LRRTM4: variants seen among roughly 807,000 people sequenced by gnomAD.
LRRTM4 encodes leucine rich repeat transmembrane neuronal 4.
LRRTM4 carries 25 observed loss-of-function variants against 47.6 expected under a neutral mutation model. The ratio of observed to expected loss-of-function variants is 0.53; its 90% CI spans 0.38 to 0.73. The LOEUF (loss-of-function observed/expected upper bound fraction) is 0.73, where lower values mean the gene tolerates loss of function less well. Ranked by LOEUF, LRRTM4 falls within the 30% of genes least tolerant of loss-of-function variation. LRRTM4 has a pLI of 0.00. For missense variants in LRRTM4, 638 were observed against 713.4 expected, an observed-to-expected ratio of 0.89 and a Z score of 1.20; for synonymous variants, 311 against 269.5, an observed-to-expected ratio of 1.15 and a Z score of -1.51.
intron 3 of LRRTM4, among the ~76,000 whole-genome samples, chr2:76,880,622 T>C (rs768006832): frequency 1.3e-5 from 2 of 151,922 alleles, no homozygotes; most frequent in African/African-American, 2.4e-5. Flanking sequence ...TGCAAAACAG[T>C]ATTGGAAGAA....
At chr2:77,055,347 A>T (rs934737518) in intron 3 of LRRTM4, among the ~76,000 whole-genome samples, 2 of 152,228 alleles carry the variant, frequency 1.3e-5, no homozygotes, top group Non-Finnish European at 2.9e-5. Context: ...GGGCACACGT[A>T]CATCTCTTCT....
chr2:77,428,994 A>G (rs1675240430), intron 3 of LRRTM4, among the ~76,000 whole-genome samples: 1 of 152,224 alleles, frequency 6.6e-6, no homozygotes, highest in Non-Finnish European at 1.5e-5. Flanking sequence ...ACTGGGTAGG[A>G]AAGTTTAACA....
chr2:77,447,116 A>G (rs978053302), intron 3 of LRRTM4, among the ~76,000 whole-genome samples: 2 of 152,086 alleles, frequency 1.3e-5, no homozygotes, highest in Admixed American at 6.6e-5. Context: ...ACATATGTAC[A>G]TATATGTGGA....
chr2:77,392,852 G>A (rs1294583969), intron 3 of LRRTM4, among the ~76,000 whole-genome samples: 1 of 151,968 alleles, frequency 6.6e-6, no homozygotes, highest in Non-Finnish European at 1.5e-5. Context: ...ATTGAAAACT[G>A]CTAAGATAGT....
chr2:76,886,053 CACA>C (rs1368664915), intron 3 of LRRTM4, among the ~76,000 whole-genome samples: 26 of 152,088 alleles, frequency 1.7e-4, no homozygotes, highest in African/African-American at 4.8e-4. Context: ...AACATTTTAT[CACA>C]ACAAGTGTTA....
At chr2:76,863,322 C>T (rs2104017464) in intron 3 of LRRTM4, among the ~76,000 whole-genome samples, 1 of 152,242 alleles carries the variant, frequency 6.6e-6, no homozygotes, top group South Asian at 2.1e-4. Context: ...GAAAGTATTT[C>T]CTCACTTTTT....
chr2:76,935,516 T>G (rs2103846245), intron 3 of LRRTM4, among the ~76,000 whole-genome samples: 1 of 152,312 alleles, frequency 6.6e-6, no homozygotes, highest in East Asian at 1.9e-4. Flanking sequence ...TTGTGTCCTC[T>G]TTTATTTCCT....
intron 3 of LRRTM4, among the ~76,000 whole-genome samples, chr2:76,999,190 A>G (rs527630237): frequency 6.6e-6 from 1 of 152,068 alleles, no homozygotes; most frequent in Admixed American, 6.6e-5. Flanking sequence ...GCCACACATT[A>G]ACATTAACCC....
chr2:76,847,045 G>T (rs1257465557), intron 3 of LRRTM4, among the ~76,000 whole-genome samples: 1 of 152,156 alleles, frequency 6.6e-6, no homozygotes. Flanking sequence ...GTATTTATTA[G>T]ACCAGTGCTC....
intron 3 of LRRTM4, among the ~76,000 whole-genome samples, chr2:77,108,322 C>T (rs1433958911): frequency 6.6e-6 from 1 of 151,518 alleles, no homozygotes; most frequent in South Asian, 2.1e-4. Context: ...AGAAGGAGAA[C>T]GAGAACAAGA....
intron 3 of LRRTM4, among the ~76,000 whole-genome samples, chr2:77,341,989 GT>G (rs1166656412): frequency 6.6e-6 from 1 of 151,932 alleles, no homozygotes; most frequent in African/African-American, 2.4e-5. Context: ...TTCAATGTCA[GT>G]TAGTGGGTGT....
Position 77,303,632 on chromosome 2 carries a change from G to T in LRRTM4, c.1551+214686C>A, listed in dbSNP as rs895508659. Among the ~76,000 whole-genome samples the T allele has an allele frequency of 2.0e-5, 3 of 152,090 alleles. No homozygotes were observed. The East Asian group carries it at 5.8e-4, about 29-fold the overall frequency. ...TACATTTAATAAAAAATTGTTGAAT[G>T]AGTAACCACCATTCAATTATCTACT... On this transcript the variant is annotated intron_variant, in intron 3 of 3. Transcript: ENST00000409884.
At chr2:77,251,133 A>G (rs1033357680) in intron 3 of LRRTM4, among the ~76,000 whole-genome samples, 4 of 144,154 alleles carry the variant, frequency 2.8e-5, no homozygotes, top group Non-Finnish European at 4.5e-5. Flanking sequence ...ACACACATAT[A>G]TATGTATATA....
chr2:77,360,470 A>G (rs1672150557), intron 3 of LRRTM4, among the ~76,000 whole-genome samples: 1 of 133,352 alleles, frequency 7.5e-6, no homozygotes, highest in Admixed American at 8.3e-5. Flanking sequence ...AAAATACAAT[A>G]CGATATGATA....
At chr2:76,841,067 C>A (rs1228636386) in intron 3 of LRRTM4, among the ~76,000 whole-genome samples, 1 of 143,624 alleles carries the variant, frequency 7.0e-6, no homozygotes, top group Non-Finnish European at 1.5e-5. Flanking sequence ...AAATGTGGCA[C>A]ATAGACACCA....
intron 3 of LRRTM4, among the ~76,000 whole-genome samples, chr2:76,864,167 A>G (rs1372725679): frequency 6.7e-6 from 1 of 148,288 alleles, no homozygotes; most frequent in Non-Finnish European, 1.5e-5. Flanking sequence ...ACCATATGGA[A>G]CAAGAATTAA....
intron 3 of LRRTM4, among the ~76,000 whole-genome samples, chr2:76,807,439 T>C (rs1324794958): frequency 0.045 from 2,665 of 58,684 alleles, 69 homozygotes; most frequent in East Asian, 0.15. Flanking sequence ...TATATATACG[T>C]ATATACATAT....
chr2:77,436,819 C>T (rs1393789671), intron 3 of LRRTM4, among the ~76,000 whole-genome samples: 1 of 151,804 alleles, frequency 6.6e-6, no homozygotes, highest in Non-Finnish European at 1.5e-5. Flanking sequence ...TTGGTATAGA[C>T]AAATCTTTCT....
chr2:76,890,605 T>A (rs1311682735), intron 3 of LRRTM4, among the ~76,000 whole-genome samples: 1 of 151,986 alleles, frequency 6.6e-6, no homozygotes, highest in Non-Finnish European at 1.5e-5. Flanking sequence ...AGCAAATGGC[T>A]TTTATATATA....
Sources: gnomAD v4.1 joint callset for allele counts (sites outside exome capture counted in the v4.1 genomes callset) on GRCh38, gnomAD v4.1.1 for gene constraint, MANE v1.5 for transcripts, NCBI Gene and HGNC (gene_info 2026-07-23, HGNC 2026-07-21) for gene names.